ABCC1: variants seen among roughly 807,000 people sequenced by gnomAD.
The protein encoded by ABCC1 is ATP binding cassette subfamily C member 1 (ABCC1 blood group).
ABCC1 carries 83 observed loss-of-function variants against 172.9 expected under a neutral mutation model. The ratio of observed to expected loss-of-function variants is 0.48; its 90% CI spans 0.40 to 0.58. The LOEUF is 0.58. Among genes scored for constraint, ABCC1 ranks in the 20% least tolerant of loss-of-function variants. The pLI is 0.00. For synonymous variants in ABCC1, 937 were observed against 825.2 expected (o/e 1.14, Z -2.32); for missense variants, 1,817 against 2,002.7 (o/e 0.91, Z 1.77).
At chr16:16,129,687 A>G (rs1211681686) in intron 26 of ABCC1, among the ~76,000 whole-genome samples, 2 of 151,874 alleles carry the variant, frequency 1.3e-5, no homozygotes, top group South Asian at 4.2e-4. Flanking sequence ...ACAGGCTCCC[A>G]CCATCAGGCC....
In ABCC1 at chr16:16,012,702, C is replaced by T. The variant is rs370883746; in HGVS notation, c.352-1789C>T. 1.3e-3 allele frequency among the ~76,000 whole-genome samples: 115 copies of T among 88,578 alleles called. 2 individuals carry two copies. Among genetic ancestry groups the T allele is most frequent in the African/African-American group, 5.8e-3 (80 of 13,852 alleles). The allele number at this position is 88,578 out of a possible 152,430, so 58.1% of individuals were successfully genotyped here. On this transcript the variant is annotated intron_variant, in intron 3 of 30. Transcript: ENST00000399410. ...TTGTTCCTGGTCTTTTTTTTTTTTC[C>T]TTTGAGGCAGAGTTTCGCTCTTTTT...
intron 7 of ABCC1, among the ~76,000 whole-genome samples, chr16:16,041,259 T>C (rs1352179210): frequency 1.3e-5 from 2 of 152,086 alleles, no homozygotes; most frequent in Non-Finnish European, 2.9e-5. Flanking sequence ...CCCAGAGCAT[T>C]TTCTGAGAAT....
chr16:16,113,427 G>A (rs574322095), intron 22 of ABCC1, among the ~76,000 whole-genome samples: 5 of 152,304 alleles, frequency 3.3e-5, no homozygotes, highest in South Asian at 4.1e-4. Flanking sequence ...AGGCCAAGGC[G>A]GGTGGATCGC....
At chr16:16,116,761 T>G (rs908210716) in intron 23 of ABCC1, among the ~76,000 whole-genome samples, 1 of 152,106 alleles carries the variant, frequency 6.6e-6, no homozygotes, top group Non-Finnish European at 1.5e-5. Context: ...GGTTTCACCA[T>G]GTTGGCCAGG....
chr16:15,964,005 A>G (rs1293704552), intron 1 of ABCC1, among the ~76,000 whole-genome samples: 1 of 151,078 alleles, frequency 6.6e-6, no homozygotes, highest in Non-Finnish European at 1.5e-5. Context: ...GTGCAATGGC[A>G]TGATCTCGGC....
intron 4 of ABCC1, among the ~76,000 whole-genome samples, chr16:16,015,521 G>T (rs1443643594): frequency 1.3e-5 from 2 of 152,242 alleles, no homozygotes; most frequent in African/African-American, 2.4e-5. Flanking sequence ...GGAAGGAAAA[G>T]AAGCTGAACA....
chr16:16,098,783 C>T (rs1312969662), intron 19 of ABCC1: 4 of 1,187,620 alleles, frequency 3.4e-6, no homozygotes, highest in African/African-American at 3.1e-5. Context: ...TTAGAAAAGA[C>T]ACTCCCTTCA....
rs116204591 is a variant in ABCC1, at chr16:16,069,214, A to G, written c.1824+912A>G. Among the ~76,000 whole-genome samples, 1,264 of 147,256 alleles carry G rather than the reference A, an allele frequency of 8.6e-3. 32 individuals are homozygous for G. The highest frequency in any genetic ancestry group is 0.031 in the African/African-American group (1,202 of 39,336). On this transcript the variant is annotated intron_variant, in intron 13 of 30. Coordinates refer to ENST00000399410, the MANE Select transcript of ABCC1 (RefSeq NM_004996.4). ...TAAATAAATAAATAAATAAATAAATATGTTTGAAAATTAGCCAGGCATGGT... is the reference window on the plus strand; with the variant it reads ...TAAATAAATAAATAAATAAATAAATGTGTTTGAAAATTAGCCAGGCATGGT...
At chr16:16,049,004 C>T (rs2049325110) in intron 10 of ABCC1, among the ~76,000 whole-genome samples, 1 of 151,802 alleles carries the variant, frequency 6.6e-6, no homozygotes, top group Admixed American at 6.6e-5. Flanking sequence ...AAAAAGTAGC[C>T]TAAGTAAATA....
At chr16:16,057,601 C>G (rs748720844) in intron 12 of ABCC1, among the ~76,000 whole-genome samples, 1 of 151,870 alleles carries the variant, frequency 6.6e-6, no homozygotes, top group Non-Finnish European at 1.5e-5. Context: ...ATCAGTTCCT[C>G]CCTTCTAAAG....
At chr16:16,023,535 A>G (rs1234638670) in intron 5 of ABCC1, among the ~76,000 whole-genome samples, 2 of 152,000 alleles carry the variant, frequency 1.3e-5, no homozygotes, top group Admixed American at 6.6e-5. Context: ...TTTTCTTTCC[A>G]TTTCTCCGTC....
At chr16:16,009,309 C>G (rs992595182) in intron 2 of ABCC1, among the ~76,000 whole-genome samples, 1 of 151,500 alleles carries the variant, frequency 6.6e-6, no homozygotes, top group African/African-American at 2.4e-5. Context: ...CTTTTGTTCT[C>G]TCTCTCTGTA....
chr16:16,128,773 T>C (rs543584131), intron 26 of ABCC1, among the ~76,000 whole-genome samples: 47 of 152,232 alleles, frequency 3.1e-4, no homozygotes, highest in African/African-American at 1.1e-3. Flanking sequence ...CCAAGGTGGG[T>C]GGATCACTTG....
chr16:15,952,227 G>A (rs908840972), intron 1 of ABCC1, among the ~76,000 whole-genome samples: 1 of 152,210 alleles, frequency 6.6e-6, no homozygotes, highest in Non-Finnish European at 1.5e-5. Context: ...ACAATGGTTA[G>A]TATTAAATAT....
intron 20 of ABCC1, among the ~76,000 whole-genome samples, chr16:16,105,118 GT>G (rs2052017894): frequency 6.6e-6 from 1 of 152,246 alleles, no homozygotes; most frequent in Non-Finnish European, 1.5e-5. Flanking sequence ...CGCTGCCAGA[GT>G]GGGTGCCAAG....
chr16:16,137,014 C>T (rs916839163), intron 29 of ABCC1, among the ~76,000 whole-genome samples: 4 of 152,190 alleles, frequency 2.6e-5, no homozygotes, highest in African/African-American at 9.6e-5. Flanking sequence ...CTACCAGGAT[C>T]CTGGAGCTCT....
intron 1 of ABCC1, among the ~76,000 whole-genome samples, chr16:15,978,647 G>A (rs1421523264): frequency 1.3e-5 from 2 of 152,114 alleles, no homozygotes; most frequent in Admixed American, 6.5e-5. Context: ...GCAAAGCTCA[G>A]TAATTTTTTT....
chr16:16,049,192 T>A (rs1366790860), intron 10 of ABCC1, among the ~76,000 whole-genome samples: 1 of 152,144 alleles, frequency 6.6e-6, no homozygotes, highest in Non-Finnish European at 1.5e-5. Flanking sequence ...TTTGGGCTGA[T>A]AACATCCTGA....
intron 23 of ABCC1, among the ~76,000 whole-genome samples, chr16:16,120,380 C>T (rs1420406345): frequency 6.6e-6 from 1 of 152,208 alleles, no homozygotes; most frequent in Non-Finnish European, 1.5e-5. Flanking sequence ...ATGGCTGGTG[C>T]AGCCTCTGAT....
Sources: allele counts gnomAD v4.1 joint callset (sites outside exome capture counted in the v4.1 genomes callset), GRCh38; gene constraint gnomAD v4.1.1; transcripts MANE v1.5; gene names NCBI Gene and HGNC (gene_info 2026-07-23, HGNC 2026-07-21).